The following ARSB variants were observed in gnomAD, a reference collection of about 807,000 sequenced individuals.
ARSB encodes N-acetylgalactosamine-4-sulfatase.
ARSB carries 41 observed loss-of-function variants against 50.9 expected under a neutral mutation model. The observed-to-expected ratio is 0.81, with a 90% CI of 0.63 to 1.04. ARSB has a LOEUF of 1.04. ARSB is among the 50% of genes least tolerant of loss of function. ARSB has a pLI of 0.00. For synonymous variants in ARSB, 269 were observed against 284.8 expected (o/e 0.94, Z 0.56); for missense variants, 672 against 693.3 (o/e 0.97, Z 0.35).
At chr5:78,851,641 T>A (rs1745790930) in intron 5 of ARSB, among the ~76,000 whole-genome samples, 1 of 152,210 alleles carries the variant, frequency 6.6e-6, no homozygotes, top group South Asian at 2.1e-4. Flanking sequence ...CATTGATCTG[T>A]TTAATGTTGA....
At chr5:78,979,486 AG>A (rs1752805379) in intron 1 of ARSB, among the ~76,000 whole-genome samples, 2 of 152,216 alleles carry the variant, frequency 1.3e-5, no homozygotes, top group Non-Finnish European at 2.9e-5. Flanking sequence ...GCCAGGTGGG[AG>A]GGGGTCCCTG....
At chr5:78,852,935 G>A (rs1053928607) in intron 5 of ARSB, among the ~76,000 whole-genome samples, 3 of 152,010 alleles carry the variant, frequency 2.0e-5, no homozygotes, top group African/African-American at 4.8e-5. Context: ...TCTCTGTATT[G>A]GTTATTCTAG....
At chr5:78,830,063 T>C (rs2112693144) in intron 6 of ARSB, among the ~76,000 whole-genome samples, 1 of 152,354 alleles carries the variant, frequency 6.6e-6, no homozygotes, top group South Asian at 2.1e-4. Flanking sequence ...GAAGTTAGTC[T>C]GCTTTTGTGT....
At chr5:78,839,900 A>G (rs991359487) in intron 5 of ARSB, among the ~76,000 whole-genome samples, 3 of 152,210 alleles carry the variant, frequency 2.0e-5, no homozygotes, top group African/African-American at 7.2e-5. Flanking sequence ...CAAATTTGCA[A>G]CACGGATCTT....
At chr5:78,841,168 C>CTACTACTACTAATAATAATAA (rs368030435) in intron 5 of ARSB, among the ~76,000 whole-genome samples, 1,371 of 131,952 alleles carry the variant, frequency 0.01, 16 homozygotes, top group Middle Eastern at 0.019. Flanking sequence ...ACTACTACTA[C>CTACTACTACTAATAATAATAA]TAATAATAAT....
At chr5:78,844,965 A>T (rs1337965166) in intron 5 of ARSB, among the ~76,000 whole-genome samples, 1 of 152,140 alleles carries the variant, frequency 6.6e-6, no homozygotes, top group Non-Finnish European at 1.5e-5. Context: ...AGTGCTATAG[A>T]GCACTAGACC....
chr5:78,847,065 T>C (rs1032536220), intron 5 of ARSB, among the ~76,000 whole-genome samples: 1 of 152,214 alleles, frequency 6.6e-6, no homozygotes, highest in South Asian at 2.1e-4. Context: ...TGGATTTGTA[T>C]ATGTTGAACC....
intron 6 of ARSB, among the ~76,000 whole-genome samples, chr5:78,795,170 C>T (rs1219541405): frequency 1.3e-5 from 2 of 152,188 alleles, no homozygotes; most frequent in Non-Finnish European, 2.9e-5. Flanking sequence ...ACAGTTAAGG[C>T]AGTGGTTTTC....
intron 5 of ARSB, among the ~76,000 whole-genome samples, chr5:78,871,892 G>T (rs1430683500): frequency 4.1e-5 from 6 of 145,508 alleles, no homozygotes; most frequent in East Asian, 2.0e-4. Flanking sequence ...CTACAAAATG[G>T]GAGAAAATTT....
intron 5 of ARSB, among the ~76,000 whole-genome samples, chr5:78,854,554 T>C (rs1293093714): frequency 6.6e-6 from 1 of 152,246 alleles, no homozygotes; most frequent in Non-Finnish European, 1.5e-5. Context: ...GTTCCTCTTG[T>C]TATTGATTTC....
rs192810322 is a variant in ARSB at position 78,832,165 on chromosome 5, A to T, written c.1213+7191T>A. Among the ~76,000 whole-genome samples the T allele has an allele frequency of 1.8e-4, 27 of 152,314 alleles. No individual in the cohort carries two copies. In the East Asian group the frequency reaches 5.2e-3, roughly 29 times the overall value. ...GCTCCAGAGAAACTCAAGGGACTCA[A>T]GTTCAAAAGAATCAGAGAGGGCTTC... On this transcript the variant is annotated intron_variant, in intron 6 of 7. Coordinates refer to ENST00000264914, the MANE Select transcript of ARSB (RefSeq NM_000046.5).
intron 4 of ARSB, among the ~76,000 whole-genome samples, chr5:78,926,812 C>T (rs337894): frequency 0.63 from 95,993 of 152,152 alleles, 31,231 homozygotes; most frequent in African/African-American, 0.81. Flanking sequence ...CTAATGGAAA[C>T]AAAATGTGAG....
In ARSB at chr5:78,985,228, C is replaced by G. The variant is rs1266041134; in HGVS notation, c.21G>C (p.Ala7=). MGPRGA[A]SLPRGPGPRR... ...GAGGTCCGGGGCCTCGGGGCAAGCT[C>G]GCCGCGCCGCGCGGACCCATCCTTG... is the stretch of plus-strand genomic sequence containing the variant. Residue 7 remains alanine (A), a synonymous_variant, in exon 1 of 8, where the codon GCG becomes GCC. Transcript: ENST00000264914. 26 of 1,329,716 alleles carry G rather than the reference C, an allele frequency of 2.0e-5. No individual in the cohort carries two copies. The highest frequency in any genetic ancestry group is 2.5e-5 in the Non-Finnish European group (26 of 1,046,738). 82.4% of individuals were successfully genotyped at this position (1,329,716 alleles called of 1,614,324 possible). A position where few individuals can be genotyped will look rare whatever the true frequency, so the allele number is the denominator to read the frequency against.
intron 5 of ARSB, among the ~76,000 whole-genome samples, chr5:78,844,160 C>T (rs1745346432): frequency 6.6e-6 from 1 of 152,174 alleles, no homozygotes; most frequent in African/African-American, 2.4e-5. Context: ...ATTTCACACT[C>T]TCACCAGGAA....
intron 6 of ARSB, among the ~76,000 whole-genome samples, chr5:78,824,896 G>T (rs1744370823): frequency 6.6e-6 from 1 of 152,172 alleles, no homozygotes; most frequent in Non-Finnish European, 1.5e-5. Context: ...CAGCTGCACT[G>T]GTAATATACT....
At position 78,955,387 on chromosome 5, in the gene ARSB, A is replaced by T; in HGVS notation, c.806T>A (p.Met269Lys). The change falls in exon 4 of 8, where the codon ATG (methionine) becomes AAG (lysine). Residue 269 changes from methionine (M) to lysine (K), a missense_variant. Physicochemically the swap from Met to Lys is moderately conservative, Grantham distance 95 (BLOSUM62 -1). Transcript: ENST00000264914. ...QDKNRHHYAG[M>K]VSLMDEAVGN... The stretch of plus-strand genomic sequence containing the variant: ...TACTGCTTCATCCATAAGGGACACC[A>T]TTCCTGCATAGTGATGCCTGTTCTT... 6.2e-7 allele frequency: 1 copy of T among 1,614,178 alleles called. No homozygotes were observed.
At chr5:78,842,777 T>TC (rs1313102211) in intron 5 of ARSB, among the ~76,000 whole-genome samples, 1 of 104,790 alleles carries the variant, frequency 9.5e-6, no homozygotes, top group Non-Finnish European at 2.0e-5. Flanking sequence ...TTTGTTTTTT[T>TC]CCCTTTTTTT....
At chr5:78,800,242 C>T (rs1179504814) in intron 6 of ARSB, among the ~76,000 whole-genome samples, 2 of 151,682 alleles carry the variant, frequency 1.3e-5, no homozygotes, top group Non-Finnish European at 2.9e-5. Flanking sequence ...TGCTTGAACC[C>T]AGGAGGCAGA....
At chr5:78,918,570 T>C (rs1469299534) in intron 4 of ARSB, among the ~76,000 whole-genome samples, 4 of 144,818 alleles carry the variant, frequency 2.8e-5, no homozygotes, top group South Asian at 2.2e-4. Flanking sequence ...CACACACACA[T>C]GCATGCACAA....
Sources: gnomAD v4.1 joint callset for allele counts (sites outside exome capture counted in the v4.1 genomes callset) on GRCh38, gnomAD v4.1.1 for gene constraint, MANE v1.5 for transcripts, NCBI Gene and HGNC (gene_info 2026-07-23, HGNC 2026-07-21) for gene names.